KIRREL3: variants seen among roughly 807,000 people sequenced by gnomAD.
KIRREL3 encodes the protein kirre like nephrin family adhesion molecule 3.
KIRREL3 carries 36 observed loss-of-function variants against 89.7 expected under a neutral mutation model. The ratio of observed to expected loss-of-function variants is 0.40; its 90% CI spans 0.31 to 0.53. The LOEUF is 0.53. Ranked by LOEUF, KIRREL3 falls within the 20% of genes least tolerant of loss-of-function variation. The pLI is 0.49. For synonymous variants in KIRREL3, 445 were observed against 441.4 expected, an observed-to-expected ratio of 1.01 and a Z score of -0.10; for missense variants, 864 against 1,056.6, an observed-to-expected ratio of 0.82 and a Z score of 2.53.
At chr11:126,833,297 T>C (rs1943670674) in intron 1 of KIRREL3, among the ~76,000 whole-genome samples, 1 of 152,194 alleles carries the variant, frequency 6.6e-6, no homozygotes. Context: ...CACCCACACA[T>C]TACAAAAAGG....
Position 126,561,354 on chromosome 11 carries a change from C to A in KIRREL3, c.133+1481G>T, listed in dbSNP as rs1940104569. ...TCCTCAGCCACCCAGAAGCTGAGGT[C>A]AGATATCTGGAGCTATGGGTTTCAA... is the stretch of plus-strand genomic sequence containing the variant. On this transcript the variant is annotated intron_variant, in intron 2 of 16. Coordinates refer to ENST00000525144, the MANE Select transcript of KIRREL3 (RefSeq NM_032531.4). This position sits in a 1 kb window ranked among gnomAD's most constrained non-coding sequence, Gnocchi z 4.5. 6.6e-6 allele frequency among the ~76,000 whole-genome samples: 1 copy of A among 152,226 alleles called. No homozygotes were observed. Among genetic ancestry groups the A allele is most frequent in the African/African-American group, 2.4e-5 (1 of 41,456 alleles).
rs748031561 is a variant in KIRREL3, at chr11:126,937,670, C to T, written c.55+62785G>A. Reference sequence around the variant, plus strand: ...AATCCCAGCACTTTGGAGGCCAAGGCGGGTGGATCACGAGGTCAGGAGATC... The same window carrying T: ...AATCCCAGCACTTTGGAGGCCAAGGTGGGTGGATCACGAGGTCAGGAGATC... On this transcript the variant is annotated intron_variant, in intron 1 of 16. Transcript: ENST00000525144. Among the ~76,000 whole-genome samples, 34 of 151,840 alleles carry T rather than the reference C, an allele frequency of 2.2e-4. 1 individual carries two copies. In the East Asian group the frequency reaches 2.3e-3, roughly 10 times the overall value.
In KIRREL3 at chr11:126,443,304, G is replaced by A. The variant is rs928343720; in HGVS notation, c.1252+1675C>T. ...TGCCCTGGCTGGCGCGGGCTGTGTG[G>A]AGGGCCGCTGATTTCACTGGGGCCT... On this transcript the variant is annotated intron_variant, in intron 10 of 16. Transcript: ENST00000525144. The surrounding 1 kb of genome is among the most constrained non-coding windows in gnomAD (Gnocchi z 7.3). Among the ~76,000 whole-genome samples the A allele has an allele frequency of 6.6e-6, 1 of 152,200 alleles. No individual in the cohort carries two copies. Among genetic ancestry groups the A allele is most frequent in the Non-Finnish European group, 1.5e-5 (1 of 68,038 alleles).
In KIRREL3 at chr11:126,729,869, T is replaced by C. The variant is rs1489191138; in HGVS notation, c.56-166957A>G. On this transcript the variant is annotated intron_variant, in intron 1 of 16. Coordinates refer to ENST00000525144, the MANE Select transcript of KIRREL3 (RefSeq NM_032531.4). The surrounding 1 kb of genome is among the most constrained non-coding windows in gnomAD (Gnocchi z 4.5). ...TTCCAAATCCTTCTAGTTCATAGGC[T>C]CCTCTGCTCCTAAACCAGTCCTTTG... Among the ~76,000 whole-genome samples, 1 of 152,180 alleles carries C rather than the reference T, an allele frequency of 6.6e-6. No homozygotes were observed. The highest frequency in any genetic ancestry group is 2.4e-5 in the African/African-American group (1 of 41,452).
chr11:126,981,037 T>C lies in KIRREL3; in HGVS notation c.55+19418A>G, dbSNP rs982306346. Reference sequence around the variant, plus strand: ...GAGAGATGGTATACTTAGATCTCTGTACCGTGGACTATCATTATTCAATTT... The same window carrying C: ...GAGAGATGGTATACTTAGATCTCTGCACCGTGGACTATCATTATTCAATTT... On this transcript the variant is annotated intron_variant, in intron 1 of 16. Transcript: ENST00000525144. This position sits in a 1 kb window ranked among gnomAD's most constrained non-coding sequence, Gnocchi z 4.2. Among the ~76,000 whole-genome samples the C allele has an allele frequency of 6.6e-6, 1 of 152,232 alleles. No individual in the cohort carries two copies. The highest frequency in any genetic ancestry group is 2.4e-5 in the African/African-American group (1 of 41,456).
In KIRREL3 at chr11:126,752,353, T is replaced by TA. The variant is rs201597152; in HGVS notation, c.56-189442dup. Among the ~76,000 whole-genome samples the TA allele has an allele frequency of 9.4e-3, 1,424 of 152,250 alleles. 23 individuals carry two copies. The highest frequency in any genetic ancestry group is 0.033 in the African/African-American group (1,352 of 41,520). On this transcript the variant is annotated intron_variant, in intron 1 of 16. Transcript: ENST00000525144. This position sits in a 1 kb window ranked among gnomAD's most constrained non-coding sequence, Gnocchi z 4.8. ...TTCCTGAGAGTTGAAATGATGGCTT[T>TA]AAAAAATGTCAGGATTAGTTGGGCA...
chr11:126,731,063 T>A (rs1442477657), intron 1 of KIRREL3, among the ~76,000 whole-genome samples: 1 of 152,188 alleles, frequency 6.6e-6, no homozygotes, highest in African/African-American at 2.4e-5. Context: ...TTCTAACTGG[T>A]GTCTCTGACA....
At position 126,428,533 on chromosome 11, in the gene KIRREL3, G is replaced by A. The variant is rs1465798770; in HGVS notation, c.1806+646C>T. The stretch of plus-strand genomic sequence containing the variant: ...GAATATCTATAATAGCTATGTGTGT[G>A]TGTGCGGGGGAGGGGAGGGGATTAT... On this transcript the variant is annotated intron_variant, in intron 15 of 16. Transcript: ENST00000525144. The surrounding 1 kb of genome is among the most constrained non-coding windows in gnomAD (Gnocchi z 6.4). 6.6e-6 allele frequency among the ~76,000 whole-genome samples: 1 copy of A among 152,068 alleles called. No individual in the cohort carries two copies. Among genetic ancestry groups the A allele is most frequent in the Admixed American group, 6.5e-5 (1 of 15,268 alleles).
At chr11:126,497,353 TCAC>T (rs895949070) in intron 4 of KIRREL3, among the ~76,000 whole-genome samples, 2 of 152,092 alleles carry the variant, frequency 1.3e-5, no homozygotes, top group African/African-American at 4.8e-5. Context: ...CCCCAAAATG[TCAC>T]CAAGGGGGGT....
At position 126,436,867 on chromosome 11, in the gene KIRREL3, C is replaced by A. The variant is rs1955362339; in HGVS notation, c.1496G>T (p.Cys499Phe). ...GGAGCCGAAGCTGTTCCAGGCCGTG[C>A]AGTTGTAGATGGTCTGGAAGTCGGC... is the stretch of plus-strand genomic sequence containing the variant. ...VRADFQTIYN[C>F]TAWNSFGSDT... Residue 499 changes from cysteine (C) to phenylalanine (F), a missense_variant, in exon 12 of 17, where the codon TGC (cysteine) becomes TTC (phenylalanine). Coordinates refer to ENST00000525144, the MANE Select transcript of KIRREL3 (RefSeq NM_032531.4). 2 of 1,613,630 alleles carry A rather than the reference C, an allele frequency of 1.2e-6. No individual in the cohort carries two copies. The highest frequency in any genetic ancestry group is 1.1e-5 in the South Asian group (1 of 91,066).
chr11:126,950,320 T>C (rs577482859), intron 1 of KIRREL3, among the ~76,000 whole-genome samples: 5 of 152,194 alleles, frequency 3.3e-5, no homozygotes, highest in Admixed American at 6.5e-5. Context: ...TGAGCAGAGA[T>C]TGTGCCACTG....
At position 126,768,154 on chromosome 11, in the gene KIRREL3, ATCCATCCATCCATCCAATCCATCC is replaced by A. The variant is rs1949895208; in HGVS notation, c.56-205266_56-205243del. On this transcript the variant is annotated intron_variant, in intron 1 of 16. Coordinates refer to ENST00000525144, the MANE Select transcript of KIRREL3 (RefSeq NM_032531.4). This position sits in a 1 kb window ranked among gnomAD's most constrained non-coding sequence, Gnocchi z 4.5. ...CATCTATCCATCCATCCATCCATCC[ATCCATCCATCCATCCAATCCATCC>A]ATCCATCCATCCATCCATCCATCCA... Among the ~76,000 whole-genome samples, 1 of 130,506 alleles carries A rather than the reference ATCCATCCATCCATCCAATCCATCC, an allele frequency of 7.7e-6. No individual in the cohort carries two copies. The highest frequency in any genetic ancestry group is 8.2e-5 in the Admixed American group (1 of 12,244). The allele number at this position is 130,506 out of a possible 152,430, so 85.6% of individuals were successfully genotyped here.
intron 4 of KIRREL3, among the ~76,000 whole-genome samples, chr11:126,487,148 T>A (rs926651800): frequency 6.6e-6 from 1 of 152,182 alleles, no homozygotes; most frequent in Non-Finnish European, 1.5e-5. Context: ...TCTTTTGAGA[T>A]GACAGATTAG....
rs904992117 is a variant in KIRREL3 at position 126,628,806 on chromosome 11, C to G, written c.56-65894G>C. ...AGCCAGGGCCTCGCCTCTACTGCCC[C>G]CTCCGCTCGCTCTGCCTGTGCAGGG... is the stretch of plus-strand genomic sequence containing the variant. On this transcript the variant is annotated intron_variant, in intron 1 of 16. Coordinates refer to ENST00000525144, the MANE Select transcript of KIRREL3 (RefSeq NM_032531.4). This position sits in a 1 kb window ranked among gnomAD's most constrained non-coding sequence, Gnocchi z 5.2. 7.2e-5 allele frequency among the ~76,000 whole-genome samples: 11 copies of G among 152,196 alleles called. No individual in the cohort carries two copies. In the South Asian group the frequency reaches 1.9e-3, roughly 26 times the overall value.
At chr11:126,675,517 C>G (rs1591936054) in intron 1 of KIRREL3, among the ~76,000 whole-genome samples, 1 of 152,192 alleles carries the variant, frequency 6.6e-6, no homozygotes, top group South Asian at 2.1e-4. Flanking sequence ...GGATTGAAAC[C>G]TGCAGGCAGC....
At chr11:126,613,268 G>A (rs906794110) in intron 1 of KIRREL3, among the ~76,000 whole-genome samples, 1 of 152,106 alleles carries the variant, frequency 6.6e-6, no homozygotes, top group Non-Finnish European at 1.5e-5. Context: ...CAAAGTTCGT[G>A]ATTACAGGCT....
intron 1 of KIRREL3, among the ~76,000 whole-genome samples, chr11:126,617,157 G>A (rs948877281): frequency 6.6e-6 from 1 of 152,220 alleles, no homozygotes; most frequent in Non-Finnish European, 1.5e-5. Context: ...TTAGCCTGAC[G>A]AGGCTGAGGT....
rs1565422691 is a variant in KIRREL3, at chr11:126,923,132, T to TTC, written c.55+77321_55+77322dup. Among the ~76,000 whole-genome samples the TTC allele has an allele frequency of 1.1e-3, 13 of 11,722 alleles. 1 individual carries two copies. The East Asian group carries it at 0.016, about 14-fold the overall frequency. The allele number at this position is 11,722 out of a possible 152,430, so 7.7% of individuals were successfully genotyped here. On this transcript the variant is annotated intron_variant, in intron 1 of 16. Coordinates refer to ENST00000525144, the MANE Select transcript of KIRREL3 (RefSeq NM_032531.4). Reference sequence around the variant, plus strand: ...TCTCCTTCTCCTTCTCCTTCTTCTCTTCTTCTTCTTCTTCTTCTTCTTCTT... The same window carrying TTC: ...TCTCCTTCTCCTTCTCCTTCTTCTCTTCTCTTCTTCTTCTTCTTCTTCTTCTT...
chr11:126,888,352 C>T (rs1279292404), intron 1 of KIRREL3, among the ~76,000 whole-genome samples: 1 of 152,144 alleles, frequency 6.6e-6, no homozygotes, highest in Admixed American at 6.5e-5. Context: ...CTCTGCTGTG[C>T]TGTGAATTTA....
Sources: gnomAD v4.1 joint callset for allele counts (sites outside exome capture counted in the v4.1 genomes callset) on GRCh38, gnomAD v4.1.1 for gene constraint, Gnocchi (gnomAD v3.1) non-coding constraint, MANE v1.5 for transcripts, NCBI Gene and HGNC (gene_info 2026-07-23, HGNC 2026-07-21) for gene names.